DPP6: variants seen among roughly 807,000 people sequenced by gnomAD.
DPP6 encodes A-type potassium channel modulatory protein DPP6.
Under a neutral mutation model 122.6 loss-of-function variants are expected in DPP6, and 69 were observed. The ratio of observed to expected loss-of-function variants is 0.56; its 90% CI spans 0.46 to 0.69. The LOEUF (loss-of-function observed/expected upper bound fraction) is 0.69, where lower values mean the gene tolerates loss of function less well. Among genes scored for constraint, DPP6 ranks in the 30% least tolerant of loss-of-function variants. The probability of loss-of-function intolerance (pLI) is 0.00; values close to 1 mark genes in which losing one functional copy is unlikely to be tolerated. For missense variants in DPP6, 928 were observed against 1,116.9 expected (o/e 0.83, Z 2.41); for synonymous variants, 418 against 433.1 (o/e 0.97, Z 0.43).
chr7:154,715,058 T>TCTTAC (rs1314532404), intron 7 of DPP6, among the ~76,000 whole-genome samples: 1 of 151,888 alleles, frequency 6.6e-6, no homozygotes, highest in Non-Finnish European at 1.5e-5. Flanking sequence ...TTTTATCTTA[T>TCTTAC]CTTATTTTAT....
chr7:154,046,728 T>C (rs1320151205), intron 1 of DPP6, among the ~76,000 whole-genome samples: 1 of 152,210 alleles, frequency 6.6e-6, no homozygotes, highest in East Asian at 1.9e-4. Context: ...TACTTGGACC[T>C]GGGGGCCAAC....
chr7:154,093,156 A>G (rs1177318741), intron 1 of DPP6, among the ~76,000 whole-genome samples: 1 of 135,770 alleles, frequency 7.4e-6, no homozygotes, highest in Non-Finnish European at 1.6e-5. Flanking sequence ...ATCATACATC[A>G]TACACACCAC....
chr7:154,749,220 T>C (rs1309743678), intron 8 of DPP6, among the ~76,000 whole-genome samples: 2 of 100,234 alleles, frequency 2.0e-5, no homozygotes, highest in African/African-American at 7.9e-5. Context: ...TGAGGGAGCA[T>C]AGGACAGGAG....
chr7:153,815,475 G>A, the DPP6 span, among the ~76,000 whole-genome samples: 4 of 151,958 alleles, frequency 2.6e-5, no homozygotes, highest in Non-Finnish European at 4.4e-5. Context: ...CCATTAACTC[G>A]TCATTTAGCA....
At chr7:154,181,718 G>T (rs969603752) in intron 1 of DPP6, among the ~76,000 whole-genome samples, 4 of 150,476 alleles carry the variant, frequency 2.7e-5, no homozygotes, top group African/African-American at 9.8e-5. Flanking sequence ...AACACTTGAG[G>T]TGTGGTGCAC....
the DPP6 span, among the ~76,000 whole-genome samples, chr7:153,768,363 C>G: frequency 6.6e-6 from 1 of 151,904 alleles, no homozygotes; most frequent in East Asian, 1.9e-4. Flanking sequence ...TCAGGAAGTG[C>G]ATTTGTAAGG....
chr7:154,208,956 T>A (rs777671508), intron 1 of DPP6, among the ~76,000 whole-genome samples: 3 of 152,170 alleles, frequency 2.0e-5, no homozygotes, highest in Non-Finnish European at 4.4e-5. Flanking sequence ...AAGAAACACA[T>A]GCACATGGAC....
chr7:154,358,914 C>T (rs1287850749), intron 1 of DPP6, among the ~76,000 whole-genome samples: 2 of 152,186 alleles, frequency 1.3e-5, no homozygotes, highest in African/African-American at 4.8e-5. Context: ...CTATGCTGAC[C>T]AGGCTGGTCT....
chr7:154,756,597 T>C (rs1237586871), intron 8 of DPP6, among the ~76,000 whole-genome samples: 1 of 152,058 alleles, frequency 6.6e-6, no homozygotes, highest in Admixed American at 6.6e-5. Flanking sequence ...CTCGAAAGTC[T>C]AGCTCCTGAG....
intron 1 of DPP6, among the ~76,000 whole-genome samples, chr7:153,931,597 G>A (rs749850288): frequency 6.6e-6 from 1 of 152,168 alleles, no homozygotes; most frequent in Non-Finnish European, 1.5e-5. Flanking sequence ...TCATTATTCT[G>A]TCAGATTCCG....
At chr7:154,397,849 G>A (rs1050043451) in intron 1 of DPP6, among the ~76,000 whole-genome samples, 1 of 152,102 alleles carries the variant, frequency 6.6e-6, no homozygotes, top group Admixed American at 6.5e-5. Flanking sequence ...AGCAGCAAAG[G>A]TGTCTTCTCT....
intron 7 of DPP6, among the ~76,000 whole-genome samples, chr7:154,675,480 A>G (rs1415578712): frequency 6.6e-6 from 1 of 152,190 alleles, no homozygotes; most frequent in Non-Finnish European, 1.5e-5. Flanking sequence ...GCTCTCTGGA[A>G]TGGCACATGT....
intron 7 of DPP6, among the ~76,000 whole-genome samples, chr7:154,726,204 C>T (rs1586964774): frequency 1.3e-5 from 2 of 152,356 alleles, no homozygotes; most frequent in East Asian, 3.9e-4. Flanking sequence ...CCTCTTCTCA[C>T]AGCTCCACTA....
At chr7:154,671,443 C>T (rs1240509645) in intron 7 of DPP6, among the ~76,000 whole-genome samples, 2 of 152,226 alleles carry the variant, frequency 1.3e-5, no homozygotes. Flanking sequence ...GTCAAGGTCT[C>T]TTTCCACCAT....
chr7:153,997,756 A>G (rs931850008), intron 1 of DPP6, among the ~76,000 whole-genome samples: 4 of 148,394 alleles, frequency 2.7e-5, no homozygotes, highest in Admixed American at 2.0e-4. Flanking sequence ...GACGTCTACT[A>G]CATGCAGCAC....
chr7:154,539,666 G>T (rs1453416133), intron 3 of DPP6, among the ~76,000 whole-genome samples: 1 of 151,576 alleles, frequency 6.6e-6, no homozygotes, highest in Non-Finnish European at 1.5e-5. Flanking sequence ...AAAAATTCTA[G>T]AAGAAAACAT....
intron 1 of DPP6, among the ~76,000 whole-genome samples, chr7:154,222,757 A>G (rs1200736844): frequency 1.3e-5 from 2 of 149,272 alleles, no homozygotes; most frequent in Non-Finnish European, 2.9e-5. Context: ...TTTCCTGCAT[A>G]TTTTGTCTGC....
chr7:153,867,219 G>T, the DPP6 span, among the ~76,000 whole-genome samples: 52 of 152,272 alleles, frequency 3.4e-4, no homozygotes, highest in African/African-American at 1.2e-3. Context: ...GGATGGCATT[G>T]AATCTATAAA....
chr7:153,828,300 T>C, the DPP6 span, among the ~76,000 whole-genome samples: 1 of 152,032 alleles, frequency 6.6e-6, no homozygotes, highest in African/African-American at 2.4e-5. Context: ...AGAGGGCTTG[T>C]GGTGGGGACG....
Sources: allele counts gnomAD v4.1 joint callset (sites outside exome capture counted in the v4.1 genomes callset), GRCh38; gene constraint gnomAD v4.1.1; transcripts MANE v1.5; gene names NCBI Gene and HGNC (gene_info 2026-07-23, HGNC 2026-07-21).